Variants in EXOC2 observed in about 807,000 individuals in gnomAD.
EXOC2 encodes the protein exocyst complex component 2.
EXOC2 carries 70 observed loss-of-function variants against 131.8 expected under a neutral mutation model. The observed-to-expected ratio is 0.53, with a 90% CI of 0.44 to 0.65. The LOEUF (loss-of-function observed/expected upper bound fraction) is 0.65. Among genes scored for constraint, EXOC2 ranks in the 30% least tolerant of loss-of-function variants. The probability of loss-of-function intolerance (pLI) is 0.00; values close to 1 mark genes in which losing one functional copy is unlikely to be tolerated. For synonymous variants in EXOC2, 411 were observed against 398.4 expected (o/e 1.03, Z -0.38); for missense variants, 923 against 1,108.6 (o/e 0.83, Z 2.38).
chr6:560,188 C>T (rs894122559), intron 17 of EXOC2, among the ~76,000 whole-genome samples: 4 of 152,162 alleles, frequency 2.6e-5, no homozygotes, highest in African/African-American at 9.7e-5. Flanking sequence ...TGCAGTTTAC[C>T]AGGTGCTTCG....
chr6:519,147 C>T (rs1236285246), intron 23 of EXOC2, among the ~76,000 whole-genome samples: 1 of 107,474 alleles, frequency 9.3e-6, no homozygotes, highest in Non-Finnish European at 1.9e-5. Context: ...CGACACTCAC[C>T]GTCCACACTC....
chr6:509,731 C>A (rs893378547), intron 23 of EXOC2, among the ~76,000 whole-genome samples: 3 of 152,196 alleles, frequency 2.0e-5, no homozygotes, highest in African/African-American at 7.2e-5. Context: ...CAAACTTTTC[C>A]ATGAAGCATT....
chr6:561,664 C>T (rs994043393), intron 17 of EXOC2, among the ~76,000 whole-genome samples: 7 of 152,126 alleles, frequency 4.6e-5, no homozygotes, highest in African/African-American at 7.2e-5. Flanking sequence ...CGGCTCACTG[C>T]AATCTCTGCC....
At chr6:561,862 G>A (rs188073192) in intron 17 of EXOC2, among the ~76,000 whole-genome samples, 24 of 152,314 alleles carry the variant, frequency 1.6e-4, no homozygotes, top group African/African-American at 4.8e-4. Flanking sequence ...GATTATAGGC[G>A]TGAGCCACCG....
rs981662750 is a variant in EXOC2 at position 581,930 on chromosome 6, A to G, written c.1193-5048T>C. The stretch of plus-strand genomic sequence containing the variant: ...TTTAACAAATTATAAACAAACATAA[A>G]ATTAGAAAAAAATACCTCTAGACAT... On this transcript the variant is annotated intron_variant, in intron 11 of 27. Coordinates refer to ENST00000230449, the MANE Select transcript of EXOC2 (RefSeq NM_018303.6). 3.3e-5 allele frequency among the ~76,000 whole-genome samples: 5 copies of G among 152,228 alleles called. No homozygotes were observed. The East Asian group carries it at 9.6e-4, about 29-fold the overall frequency.
rs1390594003 is a variant in EXOC2, at chr6:677,932, T to TCACA, written c.-44+15086_-44+15087insTGTG. Among the ~76,000 whole-genome samples the TCACA allele has an allele frequency of 9.1e-3, 700 of 77,290 alleles. 6 individuals carry two copies. Among genetic ancestry groups the TCACA allele is most frequent in the African/African-American group, 0.025 (658 of 25,934 alleles). 50.7% of individuals were successfully genotyped at this position (77,290 alleles called of 152,430 possible). On this transcript the variant is annotated intron_variant, in intron 1 of 27. Coordinates refer to ENST00000230449, the MANE Select transcript of EXOC2 (RefSeq NM_018303.6). ...TGCATCAGGGGCTGTGCTTATAATCTCTCACACACACACACACACACACAC... is the reference window on the plus strand; with the variant it reads ...TGCATCAGGGGCTGTGCTTATAATCTCACACTCACACACACACACACACACACAC...
At chr6:636,989 G>T (rs1762131936) in intron 2 of EXOC2, among the ~76,000 whole-genome samples, 1 of 152,098 alleles carries the variant, frequency 6.6e-6, no homozygotes, top group Non-Finnish European at 1.5e-5. Context: ...AGAAGCACTC[G>T]CAGACCTGAG....
intron 4 of EXOC2, among the ~76,000 whole-genome samples, chr6:626,831 G>A (rs1761597845): frequency 6.6e-6 from 1 of 152,222 alleles, no homozygotes; most frequent in South Asian, 2.1e-4. Flanking sequence ...GACCTCAAGT[G>A]ATCCGCCCGC....
chr6:518,026 TG>T (rs1339812156), intron 23 of EXOC2, among the ~76,000 whole-genome samples: 1 of 152,226 alleles, frequency 6.6e-6, no homozygotes, highest in Admixed American at 6.5e-5. Flanking sequence ...AAAAGTAATG[TG>T]TGGACCTTGA....
intron 25 of EXOC2, among the ~76,000 whole-genome samples, chr6:492,154 TAA>T (rs1172105884): frequency 6.6e-6 from 1 of 152,060 alleles, no homozygotes; most frequent in African/African-American, 2.4e-5. Flanking sequence ...TCACCAAAAT[TAA>T]AAATCCAGTG....
chr6:562,669 C>T (rs1445691560), intron 17 of EXOC2, 115 bp downstream of exon 17: 2 of 597,590 alleles, frequency 3.3e-6, no homozygotes, highest in Non-Finnish European at 5.3e-6. Flanking sequence ...CTTTAAGAAG[C>T]TTCTATTTCT....
rs573773923 is a variant in EXOC2, at chr6:503,335, G to A, written c.2381-3635C>T. ...GCATATGGTGCTCCAAGTAGAACACGTATACATCTCCAGTATATGTAAGAC... is the reference window on the plus strand; with the variant it reads ...GCATATGGTGCTCCAAGTAGAACACATATACATCTCCAGTATATGTAAGAC... On this transcript the variant is annotated intron_variant, in intron 23 of 27. Coordinates refer to ENST00000230449, the MANE Select transcript of EXOC2 (RefSeq NM_018303.6). Among the ~76,000 whole-genome samples the A allele has an allele frequency of 6.6e-5, 10 of 152,202 alleles. No homozygotes were observed. In the East Asian group the frequency reaches 1.2e-3, roughly 18 times the overall value.
chr6:656,255 C>A lies in EXOC2; in HGVS notation c.-43-18394G>T, dbSNP rs747016305. On this transcript the variant is annotated intron_variant, in intron 1 of 27. Coordinates refer to ENST00000230449, the MANE Select transcript of EXOC2 (RefSeq NM_018303.6). ...ACTGCAGAAGCTTCCGATTGTCCACCCGCACTTGCACCATGCTCTCCAGGT... is the reference window on the plus strand; with the variant it reads ...ACTGCAGAAGCTTCCGATTGTCCACACGCACTTGCACCATGCTCTCCAGGT... The A allele has an allele frequency of 1.9e-6, 3 of 1,614,240 alleles. No homozygotes were observed. In the South Asian group the frequency reaches 3.3e-5, roughly 18 times the overall value.
At chr6:520,892 C>A (rs1382692773) in intron 23 of EXOC2, among the ~76,000 whole-genome samples, 7 of 138,992 alleles carry the variant, frequency 5.0e-5, no homozygotes, top group East Asian at 2.4e-4. Flanking sequence ...AGCGCCAACA[C>A]TCACCGTCCA....
At position 507,125 on chromosome 6, in the gene EXOC2, TACACACACACATAC is replaced by T. The variant is rs1209485550; in HGVS notation, c.2381-7439_2381-7426del. Among the ~76,000 whole-genome samples, 38 of 43,112 alleles carry T rather than the reference TACACACACACATAC, an allele frequency of 8.8e-4. 1 individual carries two copies. Among genetic ancestry groups the T allele is most frequent in the Non-Finnish European group, 2.0e-3 (32 of 16,114 alleles). The allele number at this position is 43,112 out of a possible 152,430, so 28.3% of individuals were successfully genotyped here. A position where few individuals can be genotyped will look rare whatever the true frequency, so the allele number is the denominator to read the frequency against. On this transcript the variant is annotated intron_variant, in intron 23 of 27. Transcript: ENST00000230449. ...ACACACACAGCAGTGACTACACACATACACACACACATACACACACACACACAAGAAGTGACCCC... is the reference window on the plus strand; with the variant it reads ...ACACACACAGCAGTGACTACACACATACACACACACACAAGAAGTGACCCC...
intron 1 of EXOC2, among the ~76,000 whole-genome samples, chr6:678,225 C>T (rs1001217840): frequency 1.3e-5 from 2 of 152,184 alleles, no homozygotes; most frequent in African/African-American, 2.4e-5. Flanking sequence ...AGAAAAGACA[C>T]TTAACCAAGA....
chr6:514,105 TCA>T (rs1177245878), intron 23 of EXOC2, among the ~76,000 whole-genome samples: 3 of 152,228 alleles, frequency 2.0e-5, no homozygotes, highest in Non-Finnish European at 4.4e-5. Flanking sequence ...CGTCTGGACT[TCA>T]GTTTCCTTGG....
chr6:489,939 C>T (rs1364526034), intron 26 of EXOC2, among the ~76,000 whole-genome samples: 1 of 152,204 alleles, frequency 6.6e-6, no homozygotes, highest in Admixed American at 6.5e-5. Flanking sequence ...TCCAGCTGCT[C>T]CCGGGAGGGC....
rs772302794 is a variant in EXOC2, at chr6:564,565, A to C, written c.1647T>G (p.Ala549=). ...VKCELSGQWL[A]HAIQTVRLTH... ...CTCACCTTACAGTCTGGATGGCGTG[A>C]GCGAGCCACTGTCCGGAGAGCTCGC... Residue 549 remains alanine (A), a synonymous_variant, in exon 15 of 28, where the codon GCT becomes GCG. Transcript: ENST00000230449. The C allele has an allele frequency of 6.2e-7, 1 of 1,614,136 alleles. No homozygotes were observed. Among genetic ancestry groups the C allele is most frequent in the Non-Finnish European group, 8.5e-7 (1 of 1,180,038 alleles).
Sources: gnomAD v4.1 joint callset for allele counts (sites outside exome capture counted in the v4.1 genomes callset) on GRCh38, gnomAD v4.1.1 for gene constraint, MANE v1.5 for transcripts, NCBI Gene and HGNC (gene_info 2026-07-23, HGNC 2026-07-21) for gene names.